HDAC9: variants seen among roughly 807,000 people sequenced by gnomAD.
HDAC9 encodes the protein MEF-2 interacting transcription repressor (MITR) protein.
HDAC9 carries 41 observed loss-of-function variants against 139.4 expected under a neutral mutation model. That is an observed-to-expected ratio of 0.29 (90% CI 0.23 to 0.38). The LOEUF (loss-of-function observed/expected upper bound fraction) is 0.38, where lower values mean the gene tolerates loss of function less well. HDAC9 is among the 10% of genes least tolerant of loss of function. The probability of loss-of-function intolerance (pLI) is 1.00; values close to 1 mark genes in which losing one functional copy is unlikely to be tolerated. For synonymous variants in HDAC9, 517 were observed against 476.2 expected (o/e 1.09, Z -1.12); for missense variants, 1,147 against 1,297.0 (o/e 0.88, Z 1.78).
chr7:18,745,708 G>A (rs1225393455), intron 13 of HDAC9, among the ~76,000 whole-genome samples: 1 of 150,692 alleles, frequency 6.6e-6, no homozygotes, highest in African/African-American at 2.4e-5. Flanking sequence ...CACCACGCCT[G>A]GCTAATTTTT....
intron 21 of HDAC9, among the ~76,000 whole-genome samples, chr7:18,842,003 A>C (rs1275599420): frequency 6.6e-6 from 1 of 152,128 alleles, no homozygotes; most frequent in African/African-American, 2.4e-5. Flanking sequence ...ATACCAAATT[A>C]AATTTTAATA....
intron 12 of HDAC9, among the ~76,000 whole-genome samples, chr7:18,697,182 T>C (rs1783113769): frequency 6.6e-6 from 1 of 152,154 alleles, no homozygotes; most frequent in Non-Finnish European, 1.5e-5. Flanking sequence ...CAGTAGTAAA[T>C]CTGGATGAGC....
chr7:18,145,749 A>G (rs1786267649), intron 1 of HDAC9, among the ~76,000 whole-genome samples: 1 of 152,148 alleles, frequency 6.6e-6, no homozygotes, highest in Non-Finnish European at 1.5e-5. Context: ...GATGTGCTGA[A>G]TCTTTGATAG....
chr7:18,532,644 T>C (rs1455917524), intron 2 of HDAC9, among the ~76,000 whole-genome samples: 2 of 152,156 alleles, frequency 1.3e-5, no homozygotes, highest in Non-Finnish European at 2.9e-5. Context: ...AGTAAAATTA[T>C]CAAAACGTTA....
At chr7:18,938,311 G>A (rs1451039755) in intron 23 of HDAC9, among the ~76,000 whole-genome samples, 2 of 149,298 alleles carry the variant, frequency 1.3e-5, no homozygotes, top group Admixed American at 6.8e-5. Flanking sequence ...AAAGTATCTC[G>A]CTGGCCGGGC....
At chr7:18,947,474 G>A (rs190172424) in intron 23 of HDAC9, among the ~76,000 whole-genome samples, 16 of 151,850 alleles carry the variant, frequency 1.1e-4, no homozygotes, top group Admixed American at 3.3e-4. Context: ...TAAACTTTAC[G>A]TAAACATTTC....
At chr7:18,548,547 A>G (rs528971342) in intron 2 of HDAC9, among the ~76,000 whole-genome samples, 3 of 152,218 alleles carry the variant, frequency 2.0e-5, no homozygotes, top group Admixed American at 6.5e-5. Context: ...TAGCTCTTGG[A>G]TTTATTGCTT....
intron 2 of HDAC9, among the ~76,000 whole-genome samples, chr7:18,232,673 C>A (rs1793542457): frequency 6.6e-6 from 1 of 152,126 alleles, no homozygotes; most frequent in Admixed American, 6.5e-5. Flanking sequence ...GGTACTTACT[C>A]AAAAATATAG....
chr7:18,735,375 C>G (rs920287371), intron 13 of HDAC9, among the ~76,000 whole-genome samples: 65 of 152,236 alleles, frequency 4.3e-4, no homozygotes, highest in Middle Eastern at 3.4e-3. Flanking sequence ...TTAGGTCTAA[C>G]ATTTAAGTCT....
chr7:18,623,865 G>A (rs527512400), intron 6 of HDAC9, among the ~76,000 whole-genome samples: 21 of 152,298 alleles, frequency 1.4e-4, no homozygotes, highest in African/African-American at 4.8e-4. Context: ...CTTGAACCCA[G>A]GAGGGGGAGG....
chr7:18,512,031 A>G (rs1226443059), intron 2 of HDAC9, among the ~76,000 whole-genome samples: 1 of 152,056 alleles, frequency 6.6e-6, no homozygotes, highest in Non-Finnish European at 1.5e-5. Flanking sequence ...AAAAAAAAAA[A>G]AAAAATCTTC....
chr7:18,182,456 G>A (rs1789526609), intron 2 of HDAC9, among the ~76,000 whole-genome samples: 1 of 152,196 alleles, frequency 6.6e-6, no homozygotes, highest in African/African-American at 2.4e-5. Context: ...GACAAACATA[G>A]TGGGAGGTAA....
intron 2 of HDAC9, among the ~76,000 whole-genome samples, chr7:18,548,134 T>C (rs1360626292): frequency 6.6e-6 from 1 of 152,126 alleles, no homozygotes; most frequent in Non-Finnish European, 1.5e-5. Flanking sequence ...CTTGTGTCTC[T>C]GTGAATAGGG....
chr7:18,921,145 G>A (rs1394725422), intron 22 of HDAC9, among the ~76,000 whole-genome samples: 1 of 152,080 alleles, frequency 6.6e-6, no homozygotes, highest in Non-Finnish European at 1.5e-5. Flanking sequence ...AGAAAACCTA[G>A]GCAATACCAT....
chr7:18,493,484 C>G (rs1450587435), upstream of HDAC9, among the ~76,000 whole-genome samples: 4 of 151,912 alleles, frequency 2.6e-5, 1 homozygote, highest in Admixed American at 2.0e-4. Context: ...CCTTAAGCTA[C>G]TGTCTTTAAA....
chr7:18,300,584 A>G (rs1035063437), intron 1 of HDAC9, among the ~76,000 whole-genome samples: 3 of 152,204 alleles, frequency 2.0e-5, no homozygotes, highest in Non-Finnish European at 2.9e-5. Flanking sequence ...TCACAATAAA[A>G]TTAAGACATA....
intron 2 of HDAC9, among the ~76,000 whole-genome samples, chr7:18,530,318 A>G (rs1288779006): frequency 6.6e-6 from 1 of 152,126 alleles, no homozygotes; most frequent in Admixed American, 6.6e-5. Flanking sequence ...TCTATCTGAA[A>G]ACAATGTCGT....
intron 7 of HDAC9, among the ~76,000 whole-genome samples, chr7:18,632,892 AAG>A (rs1181212569): frequency 6.6e-6 from 1 of 152,084 alleles, no homozygotes; most frequent in Admixed American, 6.6e-5. Context: ...ATTTGCAGTA[AAG>A]AGAGAGTGAG....
At chr7:18,305,018 G>A (rs1184467294) in intron 1 of HDAC9, among the ~76,000 whole-genome samples, 1 of 151,000 alleles carries the variant, frequency 6.6e-6, no homozygotes, top group Non-Finnish European at 1.5e-5. Flanking sequence ...TCTAAATTGT[G>A]TTTCTTTATA....
Sources: allele counts gnomAD v4.1 joint callset (sites outside exome capture counted in the v4.1 genomes callset), GRCh38; gene constraint gnomAD v4.1.1; transcripts MANE v1.5; gene names NCBI Gene and HGNC (gene_info 2026-07-23, HGNC 2026-07-21).